RANBP17: variants seen among roughly 807,000 people sequenced by gnomAD.
RANBP17 encodes RAN binding protein 17.
In RANBP17, 158 loss-of-function variants were observed where a neutral mutation model predicts 141.2. The observed-to-expected ratio is 1.12, with a 90% CI of 0.98 to 1.28. The LOEUF is 1.28. Among genes scored for constraint, RANBP17 ranks in the 50% most tolerant of loss-of-function variants. The probability of loss-of-function intolerance (pLI) is 0.00; values close to 1 mark genes in which losing one functional copy is unlikely to be tolerated. For missense variants in RANBP17, 1,438 were observed against 1,290.7 expected (o/e 1.11, Z -1.75); for synonymous variants, 430 against 450.0 (o/e 0.96, Z 0.56).
intron 7 of RANBP17, among the ~76,000 whole-genome samples, chr5:170,912,655 A>G (rs570588451): frequency 1.6e-4 from 25 of 152,036 alleles, no homozygotes; most frequent in Middle Eastern, 6.8e-3. Context: ...AGTTAACCCA[A>G]TCTCCTAGAA....
chr5:171,062,671 G>C (rs903320293), intron 14 of RANBP17, among the ~76,000 whole-genome samples: 9 of 152,066 alleles, frequency 5.9e-5, no homozygotes, highest in Non-Finnish European at 1.2e-4. Flanking sequence ...TATCTTTGTA[G>C]CGTTCTCTGT....
At chr5:171,277,992 A>G (rs1311976746) in intron 25 of RANBP17, among the ~76,000 whole-genome samples, 8 of 109,048 alleles carry the variant, frequency 7.3e-5, no homozygotes. Flanking sequence ...CTGATTGGAC[A>G]GGAGGTAGAC....
intron 5 of RANBP17, chr5:170,904,589 A>C (rs553010267): frequency 5.3e-5 from 8 of 152,332 alleles, no homozygotes; most frequent in Non-Finnish European, 1.2e-4. Context: ...TGTCTAAAAG[A>C]GTGATTTCTG....
intron 12 of RANBP17, among the ~76,000 whole-genome samples, chr5:170,935,734 C>G (rs905390742): frequency 6.6e-6 from 1 of 152,236 alleles, no homozygotes; most frequent in East Asian, 1.9e-4. Flanking sequence ...TTAGGCTACT[C>G]GGGACTCAGG....
chr5:171,053,099 C>T (rs1028723128), intron 14 of RANBP17, among the ~76,000 whole-genome samples: 17 of 152,152 alleles, frequency 1.1e-4, no homozygotes, highest in East Asian at 1.9e-4. Context: ...GGATTACAGG[C>T]GTGAGCCACC....
At chr5:170,976,332 T>C (rs769228641) in intron 14 of RANBP17, among the ~76,000 whole-genome samples, 1 of 152,036 alleles carries the variant, frequency 6.6e-6, no homozygotes, top group Non-Finnish European at 1.5e-5. Flanking sequence ...TGAAACAAAT[T>C]AAAGGGGATG....
intron 12 of RANBP17, among the ~76,000 whole-genome samples, chr5:170,940,019 C>T (rs916366972): frequency 1.3e-5 from 2 of 151,656 alleles, no homozygotes; most frequent in African/African-American, 4.8e-5. Context: ...GGACAATAGA[C>T]AATAAAAAAA....
intron 14 of RANBP17, among the ~76,000 whole-genome samples, chr5:171,131,580 A>G (rs187399571): frequency 1.2e-4 from 19 of 152,358 alleles, no homozygotes; most frequent in Admixed American, 1.2e-3. Context: ...ACTCATAAGA[A>G]TAAGTGTTGC....
intron 24 of RANBP17, among the ~76,000 whole-genome samples, chr5:171,257,428 G>A (rs1469058268): frequency 2.6e-5 from 4 of 152,130 alleles, no homozygotes; most frequent in African/African-American, 7.2e-5. Context: ...ATAAAGGCAC[G>A]TATGACAAAC....
At chr5:170,865,981 C>G (rs1767225553) in intron 1 of RANBP17, among the ~76,000 whole-genome samples, 1 of 152,188 alleles carries the variant, frequency 6.6e-6, no homozygotes, top group African/African-American at 2.4e-5. Flanking sequence ...TTATTGCAAA[C>G]TGGGTGAGCT....
At chr5:171,129,077 A>G (rs4868068) in intron 14 of RANBP17, among the ~76,000 whole-genome samples, 1 of 151,802 alleles carries the variant, frequency 6.6e-6, no homozygotes, top group Admixed American at 6.6e-5. Flanking sequence ...TCTCTCCCCA[A>G]CCCCCATCAC....
intron 14 of RANBP17, among the ~76,000 whole-genome samples, chr5:171,002,638 A>G (rs1349691453): frequency 5.3e-5 from 8 of 152,142 alleles, no homozygotes; most frequent in African/African-American, 1.9e-4. Flanking sequence ...AGTTAAGGCA[A>G]TGAGTTTGGC....
intron 14 of RANBP17, among the ~76,000 whole-genome samples, chr5:170,989,219 CAGGATGAGATATAA>C (rs1323030034): frequency 1.3e-5 from 2 of 151,724 alleles, no homozygotes; most frequent in Non-Finnish European, 3.0e-5. Context: ...TGAAGGGAAT[CAGGATGAGATATAA>C]TCTATCCTAC....
chr5:171,071,568 A>G (rs1049255886), intron 14 of RANBP17, among the ~76,000 whole-genome samples: 3 of 146,676 alleles, frequency 2.0e-5, no homozygotes, highest in South Asian at 2.3e-4. Flanking sequence ...TTATCAACTG[A>G]CTGTTGGCAG....
rs750966206 is a variant in RANBP17, at chr5:170,968,416, G to T, written c.1710+39G>T. ...AGAGAGTTTAAAACATGTTATTGGGGATGAAGAAAGATGTACATATATAAC... is the reference window on the plus strand; with the variant it reads ...AGAGAGTTTAAAACATGTTATTGGGTATGAAGAAAGATGTACATATATAAC... On this transcript the variant is annotated intron_variant, in intron 14 of 27. Transcript: ENST00000523189. 5 of 1,545,090 alleles carry T rather than the reference G, an allele frequency of 3.2e-6. No homozygotes were observed. In the East Asian group the frequency reaches 9.0e-5, roughly 28 times the overall value.
chr5:170,904,041 C>T, intron 5 of RANBP17: 1 of 471,088 alleles, frequency 2.1e-6, no homozygotes, highest in Non-Finnish European at 4.2e-6. Flanking sequence ...CCAGCTGCTT[C>T]AGGCAGACCC....
At chr5:171,020,907 G>T (rs1161615576) in intron 14 of RANBP17, among the ~76,000 whole-genome samples, 1 of 152,104 alleles carries the variant, frequency 6.6e-6, no homozygotes, top group East Asian at 1.9e-4. Context: ...GCAGTGGCTG[G>T]TACCAGTTTT....
intron 5 of RANBP17, among the ~76,000 whole-genome samples, chr5:170,899,638 T>C (rs1287113673): frequency 6.6e-6 from 1 of 152,228 alleles, no homozygotes; most frequent in Non-Finnish European, 1.5e-5. Flanking sequence ...CCATCCAGTA[T>C]GATATTGGCT....
At position 171,058,918 on chromosome 5, in the gene RANBP17, A is replaced by G. The variant is rs542031613; in HGVS notation, c.1710+90541A>G. On this transcript the variant is annotated intron_variant, in intron 14 of 27. Coordinates refer to ENST00000523189, the MANE Select transcript of RANBP17 (RefSeq NM_022897.5). ...TGCATTTCTCTGATGGCCAGTGATG[A>G]TGAGCATTTTTTCATGTGTCTTTTG... Among the ~76,000 whole-genome samples, 16 of 151,384 alleles carry G rather than the reference A, an allele frequency of 1.1e-4. No individual in the cohort carries two copies. In the East Asian group the frequency reaches 1.7e-3, roughly 17 times the overall value.
Sources: gnomAD v4.1 joint callset for allele counts (sites outside exome capture counted in the v4.1 genomes callset) on GRCh38, gnomAD v4.1.1 for gene constraint, MANE v1.5 for transcripts, NCBI Gene and HGNC (gene_info 2026-07-23, HGNC 2026-07-21) for gene names.